The following MORC2 variants were observed in gnomAD, a reference collection of about 807,000 sequenced individuals.
MORC2 encodes the protein MORC family CW-type zinc finger 2, also known as ATPase MORC2.
MORC2 carries 30 observed loss-of-function variants against 136.0 expected under a neutral mutation model. The observed-to-expected ratio is 0.22, with a 90% confidence interval of 0.17 to 0.30. The LOEUF (loss-of-function observed/expected upper bound fraction) is 0.30. MORC2 is among the 10% of genes least tolerant of loss of function. MORC2 has a pLI of 1.00. For synonymous variants in MORC2, 439 were observed against 487.0 expected, an observed-to-expected ratio of 0.90 and a Z score of 1.30; for missense variants, 922 against 1,333.1, an observed-to-expected ratio of 0.69 and a Z score of 4.80.
In MORC2 at chr22:30,925,166, G is replaced by A. The variant is rs765839601; in HGVS notation, c.*1637C>T. ...CACCAGTAGAACTTTATAGTATTGCGTTTCGATTACATGTGTGTGAATTTT... is the reference window on the plus strand; with the variant it reads ...CACCAGTAGAACTTTATAGTATTGCATTTCGATTACATGTGTGTGAATTTT... On this transcript the variant is annotated 3_prime_UTR_variant, in exon 26 of 26. Transcript: ENST00000397641. 34 of 328,778 alleles carry A rather than the reference G, an allele frequency of 1.0e-4. No individual in the cohort carries two copies. Among genetic ancestry groups the A allele is most frequent in the Non-Finnish European group, 1.6e-4 (26 of 166,390 alleles). The allele number at this position is 328,778 out of a possible 1,614,324, so 20.4% of individuals were successfully genotyped here.
intron 3 of MORC2, among the ~76,000 whole-genome samples, chr22:30,955,226 G>A (rs922905785): frequency 6.6e-6 from 1 of 151,932 alleles, no homozygotes; most frequent in African/African-American, 2.4e-5. Context: ...CCAAAGTGTT[G>A]GGATTACAGG....
rs1009746885 is a variant in MORC2 at position 30,968,043 on chromosome 22, CAG to C, written c.-156_-155del. On this transcript the variant is annotated 5_prime_UTR_variant, in exon 1 of 26. Coordinates refer to ENST00000397641, the MANE Select transcript of MORC2 (RefSeq NM_001303256.3). ...ACCTAGTAGCTATCCAAAATATATG[CAG>C]AGATGTTTAAAACTACAATTTCTTC... 1.3e-5 allele frequency: 8 copies of C among 594,210 alleles called. No homozygotes were observed. Among genetic ancestry groups the C allele is most frequent in the African/African-American group, 1.3e-4 (7 of 53,028 alleles). 36.8% of individuals were successfully genotyped at this position (594,210 alleles called of 1,614,324 possible).
chr22:30,940,718 A>AG, intron 10 of MORC2, 40 bp downstream of exon 10: 1 of 1,580,678 alleles, frequency 6.3e-7, no homozygotes, highest in Non-Finnish European at 8.7e-7. Flanking sequence ...CATACCCCAG[A>AG]TGCACACCCC....
chr22:30,958,601 T>G (rs1294425982), intron 2 of MORC2, 40 bp downstream of exon 2: 21 of 1,500,896 alleles, frequency 1.4e-5, no homozygotes, highest in Non-Finnish European at 1.9e-5. Context: ...CTAAAGTGTT[T>G]CCACTTCAAG....
intron 17 of MORC2, 105 bp downstream of exon 17, chr22:30,936,406 G>A: frequency 6.7e-7 from 1 of 1,484,464 alleles, no homozygotes; most frequent in East Asian, 2.3e-5. Context: ...CGGGTGAGTG[G>A]AGGGTAAAAC....
intron 3 of MORC2, among the ~76,000 whole-genome samples, chr22:30,953,489 A>G (rs2040921695): frequency 6.6e-6 from 1 of 152,234 alleles, no homozygotes; most frequent in Non-Finnish European, 1.5e-5. Context: ...GGAAAAGACA[A>G]GAGATGTCAA....
At chr22:30,933,173 G>C in intron 21 of MORC2, 143 bp from the exon 22 acceptor site, 2 of 1,236,374 alleles carry the variant, frequency 1.6e-6, no homozygotes, top group Non-Finnish European at 2.2e-6. Context: ...GGGACACAGA[G>C]ACCAGGGACC....
chr22:30,966,731 T>C (rs766420221), intron 1 of MORC2, among the ~76,000 whole-genome samples: 6 of 152,044 alleles, frequency 3.9e-5, no homozygotes, highest in Non-Finnish European at 7.4e-5. Flanking sequence ...TGAGCCAAGA[T>C]TGCGCCACCC....
intron 24 of MORC2, 61 bp from the exon 25 acceptor site, chr22:30,928,268 T>C (rs2040521033): frequency 6.4e-7 from 1 of 1,551,678 alleles, no homozygotes. Flanking sequence ...AGGGCCCTTC[T>C]AGGCTGACAC....
chr22:30,926,550 CAAAAAAAAAAAAAAAAAAAAAAAAA>C lies in MORC2; in HGVS notation c.*228_*252del, dbSNP rs60514280. ...AAGGTTCTCTGTCCTTTGCAGTCACCAAAAAAAAAAAAAAAAAAAAAAAAAAAAAAAAAAAAGTATGGTCTCACAG... is the reference window on the plus strand; with the variant it reads ...AAGGTTCTCTGTCCTTTGCAGTCACCAAAAAAAAAAAGTATGGTCTCACAG... On this transcript the variant is annotated 3_prime_UTR_variant, in exon 26 of 26. Coordinates refer to ENST00000397641, the MANE Select transcript of MORC2 (RefSeq NM_001303256.3). 1.2e-4 allele frequency: 3 copies of C among 25,754 alleles called. No homozygotes were observed. The highest frequency in any genetic ancestry group is 2.1e-4 in the Non-Finnish European group (3 of 14,444). The allele number at this position is 25,754 out of a possible 1,614,324, so 1.6% of individuals were successfully genotyped here. A position where few individuals can be genotyped will look rare whatever the true frequency, so the allele number is the denominator to read the frequency against.
chr22:30,943,281 A>G (rs2040767997), intron 6 of MORC2, among the ~76,000 whole-genome samples: 1 of 152,230 alleles, frequency 6.6e-6, no homozygotes, highest in Admixed American at 6.5e-5. Flanking sequence ...GGAAATCATT[A>G]TCACAAAAGT....
At chr22:30,955,423 C>A (rs910240968) in intron 3 of MORC2, among the ~76,000 whole-genome samples, 35 of 152,156 alleles carry the variant, frequency 2.3e-4, no homozygotes, top group Non-Finnish European at 7.4e-5. Flanking sequence ...CTTTTAGCTG[C>A]TCTGAGGATT....
rs1157784209 is a variant in MORC2 at position 30,967,863 on chromosome 22, C to T, written c.27G>A (p.Leu9=). The T allele has an allele frequency of 1.9e-6, 3 of 1,551,176 alleles. No homozygotes were observed. Among genetic ancestry groups the T allele is most frequent in the Non-Finnish European group, 2.6e-6 (3 of 1,147,078 alleles). Residue 9 remains leucine (L), a synonymous_variant, in exon 1 of 26, where the codon CTG becomes CTA. Coordinates refer to ENST00000397641, the MANE Select transcript of MORC2 (RefSeq NM_001303256.3). ...ATTCAAAGGTTAGCTGAGCTCGATTCAGACTGCTGTAATTTGTGAAAGCCA... is the reference window on the plus strand; with the variant it reads ...ATTCAAAGGTTAGCTGAGCTCGATTTAGACTGCTGTAATTTGTGAAAGCCA... The part of the protein sequence containing the change: MAFTNYSS[L]NRAQLTFEYL...
chr22:30,951,820 T>G (rs1010131118), intron 3 of MORC2, among the ~76,000 whole-genome samples: 1 of 152,098 alleles, frequency 6.6e-6, no homozygotes, highest in Non-Finnish European at 1.5e-5. Flanking sequence ...TTTTTTTTTT[T>G]TTTGAAATGG....
At chr22:30,967,764 C>T in intron 1 of MORC2, 58 bp downstream of exon 1, 4 of 1,546,152 alleles carry the variant, frequency 2.6e-6, no homozygotes, top group Non-Finnish European at 1.7e-6. Flanking sequence ...AAACGATTTC[C>T]ATATAATATC....
intron 3 of MORC2, among the ~76,000 whole-genome samples, chr22:30,952,936 T>C (rs1602503335): frequency 6.6e-6 from 1 of 152,166 alleles, no homozygotes; most frequent in Non-Finnish European, 1.5e-5. Context: ...GTAGTATGGG[T>C]AAGAATTATC....
intron 1 of MORC2, among the ~76,000 whole-genome samples, chr22:30,962,472 G>A (rs1344176470): frequency 2.0e-5 from 3 of 151,850 alleles, no homozygotes; most frequent in Non-Finnish European, 2.9e-5. Flanking sequence ...GTGTACACCT[G>A]TAGTTCCAGC....
Position 30,932,626 on chromosome 22 carries a change from G to A in MORC2, c.2666C>T (p.Ser889Phe), listed in dbSNP as rs747144945. The A allele has an allele frequency of 1.2e-6, 2 of 1,614,184 alleles. No homozygotes were observed. Among genetic ancestry groups the A allele is most frequent in the Admixed American group, 3.3e-5 (2 of 60,026 alleles). ...GTCAGGCTCAATGCGGAGGCATTCG[G>A]AAGTGGAGGGCTCTGCGACAGCTAT... ...QAIAVAEPST[S>F]ECLRIEPDTT... is the part of the protein sequence containing the mutation. The change falls in exon 23 of 26, where the codon TCC becomes TTC. Residue 889 changes from serine to phenylalanine, a missense_variant. By Grantham distance (155) the Ser-to-Phe change is radical (BLOSUM62 -2). Coordinates refer to ENST00000397641, the MANE Select transcript of MORC2 (RefSeq NM_001303256.3). This position sits in a 1 kb window ranked among gnomAD's most constrained non-coding sequence, Gnocchi z 4.4.
In MORC2 at chr22:30,925,556, G is replaced by C. The variant is rs2040471069; in HGVS notation, c.*1247C>G. On this transcript the variant is annotated 3_prime_UTR_variant, in exon 26 of 26. Transcript: ENST00000397641. ...GGAGCAGGGTGGCCATTGCTGATCT[G>C]GGTTAGGGAGATGCCAGAAACACAC... 1 of 154,544 alleles carries C rather than the reference G, an allele frequency of 6.5e-6. No homozygotes were observed. The highest frequency in any genetic ancestry group is 1.5e-5 in the Non-Finnish European group (1 of 68,728). The allele number at this position is 154,544 out of a possible 1,614,324, so 9.6% of individuals were successfully genotyped here. A position where few individuals can be genotyped will look rare whatever the true frequency, so the allele number is the denominator to read the frequency against.
Sources: gnomAD v4.1 joint callset for allele counts (sites outside exome capture counted in the v4.1 genomes callset) on GRCh38, gnomAD v4.1.1 for gene constraint, Gnocchi (gnomAD v3.1) non-coding constraint, MANE v1.5 for transcripts, NCBI Gene and HGNC (gene_info 2026-07-23, HGNC 2026-07-21) for gene names.